Variants in PCM1 observed in about 807,000 individuals in gnomAD.
PCM1 encodes the protein pericentriolar material 1.
PCM1 carries 157 observed loss-of-function variants against 241.9 expected under a neutral mutation model. The ratio of observed to expected loss-of-function variants is 0.65; its 90% confidence interval spans 0.57 to 0.74. The LOEUF (loss-of-function observed/expected upper bound fraction) is 0.74, where lower values mean the gene tolerates loss of function less well. PCM1 is among the 30% of genes least tolerant of loss of function. PCM1 has a pLI of 0.00. For missense variants in PCM1, 3,478 were observed against 2,360.1 expected (o/e 1.47, Z -9.81); for synonymous variants, 1,085 against 784.9 (o/e 1.38, Z -6.39).
At chr8:18,003,455 CCTT>C (rs1225201420) in intron 29 of PCM1, among the ~76,000 whole-genome samples, 1 of 152,126 alleles carries the variant, frequency 6.6e-6, no homozygotes, top group Non-Finnish European at 1.5e-5. Flanking sequence ...CCTAGAATGA[CCTT>C]CTCCTCTTTC....
chr8:18,015,536 G>A (rs1010065400), intron 36 of PCM1, among the ~76,000 whole-genome samples: 4 of 152,038 alleles, frequency 2.6e-5, no homozygotes, highest in African/African-American at 9.7e-5. Flanking sequence ...AGACAATTTT[G>A]TAATTGCAAA....
chr8:17,966,146 ACAAAT>A lies in PCM1; in HGVS notation c.3007_3011del (p.Ile1003SerfsTer7). The A allele has an allele frequency of 6.2e-7, 1 of 1,614,018 alleles. No individual in the cohort carries two copies. Among genetic ancestry groups the A allele is most frequent in the Non-Finnish European group, 8.5e-7 (1 of 1,179,880 alleles). On this transcript the variant is annotated frameshift_variant, in exon 19 of 39. Coordinates refer to ENST00000325083, the MANE Select transcript of PCM1 (RefSeq NM_006197.4). LOFTEE classifies it high-confidence loss of function. The stretch of plus-strand genomic sequence containing the variant: ...TAGAAGAGAAAGAACAATGGCAAGA[ACAAAT>A]CAATCAGCTAAAGAAACAGCTTGAT...
chr8:17,948,760 T>A (rs2129456855), intron 7 of PCM1, among the ~76,000 whole-genome samples: 1 of 152,338 alleles, frequency 6.6e-6, no homozygotes, highest in Non-Finnish European at 1.5e-5. Flanking sequence ...ATAATTAAAA[T>A]GCTTTAACAT....
intron 8 of PCM1, among the ~76,000 whole-genome samples, chr8:17,951,410 C>G (rs2065960578): frequency 6.6e-6 from 1 of 152,126 alleles, no homozygotes; most frequent in African/African-American, 2.4e-5. Context: ...TCTGGTAGAC[C>G]TGGGGCCTAC....
chr8:17,956,761 C>A lies in PCM1; in HGVS notation c.1630C>A (p.Pro544Thr), dbSNP rs370983959. ...EYDSEHENSE[P>T]VTNIRNPQVA... ...TGATTCTGAGCATGAAAATTCCGAG[C>A]CTGTTACTAACATTCGGTAAGAACT... Residue 544 changes from proline (P) to threonine (T), a missense_variant, in exon 11 of 39, where the codon CCT (proline) becomes ACT (threonine). Physicochemically the swap from Pro to Thr is conservative, Grantham distance 38. Transcript: ENST00000325083. 6.2e-7 allele frequency: 1 copy of A among 1,607,670 alleles called. No individual in the cohort carries two copies.
chr8:17,962,861 C>G (rs1354232862), intron 16 of PCM1: 1 of 344,220 alleles, frequency 2.9e-6, no homozygotes, highest in Non-Finnish European at 5.3e-6. Flanking sequence ...CGAGATCACA[C>G]CACTGCACTC....
intron 34 of PCM1, 146 bp from the exon 35 acceptor site, chr8:18,013,818 C>T (rs1036217950): frequency 1.2e-4 from 68 of 586,808 alleles, no homozygotes; most frequent in African/African-American, 8.3e-4. Flanking sequence ...CAACCAAAGC[C>T]GCCTCCTTGA....
rs764860536 is a variant in PCM1, at chr8:18,014,571, CT to C, written c.5585-9del. 25 of 1,584,518 alleles carry C rather than the reference CT, an allele frequency of 1.6e-5. No homozygotes were observed. The highest frequency in any genetic ancestry group is 2.1e-5 in the Non-Finnish European group (25 of 1,163,682). On this transcript the variant is annotated splice_polypyrimidine_tract_variant and intron_variant, in intron 35 of 38. Transcript: ENST00000325083. ...TGCATTACACTAATGTTAAGACTTT[CT>C]TTTGATGACAGATGACCAAAATAAC...
At chr8:17,985,065 A>G (rs1253739860) in intron 24 of PCM1, among the ~76,000 whole-genome samples, 3 of 151,918 alleles carry the variant, frequency 2.0e-5, no homozygotes, top group Admixed American at 6.6e-5. Context: ...TCTGTAATGA[A>G]GTCCATATTA....
At chr8:18,000,821 C>G (rs1359677333) in intron 29 of PCM1, among the ~76,000 whole-genome samples, 2 of 152,108 alleles carry the variant, frequency 1.3e-5, no homozygotes, top group Non-Finnish European at 2.9e-5. Context: ...TGGTGTTTCC[C>G]TATGTTGACC....
intron 21 of PCM1, among the ~76,000 whole-genome samples, chr8:17,968,604 GA>G: frequency 6.6e-6 from 1 of 151,608 alleles, no homozygotes; most frequent in Non-Finnish European, 1.5e-5. Flanking sequence ...TATAGGAGGA[GA>G]AAAAAGGTTG....
At chr8:17,976,658 C>G (rs1200203569) in intron 23 of PCM1, among the ~76,000 whole-genome samples, 1 of 152,186 alleles carries the variant, frequency 6.6e-6, no homozygotes. Context: ...CATGGCTGAT[C>G]TCTTTCCCTT....
chr8:17,996,145 C>T (rs1588101625), intron 29 of PCM1, among the ~76,000 whole-genome samples: 1 of 152,124 alleles, frequency 6.6e-6, no homozygotes, highest in Non-Finnish European at 1.5e-5. Context: ...AGTGTTTCCC[C>T]ATTTAGTATG....
chr8:17,947,074 G>C lies in PCM1; in HGVS notation c.784-112G>C, dbSNP rs532069542. 47 of 604,720 alleles carry C rather than the reference G, an allele frequency of 7.8e-5. No homozygotes were observed. In the South Asian group the frequency reaches 1.2e-3, roughly 15 times the overall value. 37.5% of individuals were successfully genotyped at this position (604,720 alleles called of 1,614,324 possible). On this transcript the variant is annotated intron_variant, in intron 6 of 38. Transcript: ENST00000325083. Reference sequence around the variant, plus strand: ...TTGATGTCTACTAAAACTATATTTAGGGTTGTATATTTAATAATTTGTTAT... The same window carrying C: ...TTGATGTCTACTAAAACTATATTTACGGTTGTATATTTAATAATTTGTTAT...
intron 30 of PCM1, among the ~76,000 whole-genome samples, chr8:18,008,790 G>C (rs189520140): frequency 6.6e-6 from 1 of 152,300 alleles, no homozygotes; most frequent in African/African-American, 2.4e-5. Context: ...TTGGGAGGCA[G>C]GAGGTCTGGT....
chr8:18,007,282 C>T (rs1309760014), intron 30 of PCM1, among the ~76,000 whole-genome samples: 2 of 152,090 alleles, frequency 1.3e-5, no homozygotes, highest in South Asian at 4.1e-4. Context: ...TAGATAATCA[C>T]TATTAACTTT....
At chr8:18,002,064 C>A (rs7822506) in intron 29 of PCM1, among the ~76,000 whole-genome samples, 1 of 10,136 alleles carries the variant, frequency 9.9e-5, no homozygotes, top group East Asian at 1.7e-3. Context: ...TTTTTTTTTT[C>A]TTTTTTTTTT....
chr8:17,957,693 C>G lies in PCM1; in HGVS notation c.1958C>G (p.Ala653Gly). The change falls in exon 13 of 39, where the codon GCT (alanine) becomes GGT (glycine). Residue 653 changes from alanine (A) to glycine (G), a missense_variant. Transcript: ENST00000325083. ...SSLVDEHPEDAEFEQKINRLM... is the reference protein window; with the variant it reads ...SSLVDEHPEDGEFEQKINRLM... ...CTGGTTGATGAGCATCCAGAAGATGCTGAATTTGAACAGAAGATCAACCGA... is the reference window on the plus strand; with the variant it reads ...CTGGTTGATGAGCATCCAGAAGATGGTGAATTTGAACAGAAGATCAACCGA... 1.2e-6 allele frequency: 2 copies of G among 1,612,564 alleles called. No individual in the cohort carries two copies. Among genetic ancestry groups the G allele is most frequent in the East Asian group, 2.2e-5 (1 of 44,846 alleles).
At chr8:17,931,373 C>T (rs2058977420) in intron 2 of PCM1, among the ~76,000 whole-genome samples, 1 of 151,998 alleles carries the variant, frequency 6.6e-6, no homozygotes, top group East Asian at 1.9e-4. Context: ...ACTGCAACCT[C>T]TGCCTCCCGG....
Sources: allele counts gnomAD v4.1 joint callset (sites outside exome capture counted in the v4.1 genomes callset), GRCh38; gene constraint gnomAD v4.1.1; transcripts MANE v1.5; gene names NCBI Gene and HGNC (gene_info 2026-07-23, HGNC 2026-07-21).